TIMM23B: variants seen among roughly 807,000 people sequenced by gnomAD.
TIMM23B encodes mitochondrial import inner membrane translocase subunit Tim23B.
Under a neutral mutation model 27.3 loss-of-function variants are expected in TIMM23B, and 27 were observed. The observed-to-expected ratio is 0.99, with a 90% CI of 0.73 to 1.36. The LOEUF (loss-of-function observed/expected upper bound fraction) is 1.36. Among genes scored for constraint, TIMM23B ranks in the 40% most tolerant of loss-of-function variants. TIMM23B has a pLI of 0.00. For missense variants in TIMM23B, 205 were observed against 244.2 expected, an observed-to-expected ratio of 0.84 and a Z score of 1.07; for synonymous variants, 73 against 92.4, an observed-to-expected ratio of 0.79 and a Z score of 1.21.
At chr10:49,951,177 A>G (rs1839516707) in intron 2 of TIMM23B, among the ~76,000 whole-genome samples, 1 of 152,216 alleles carries the variant, frequency 6.6e-6, no homozygotes, top group African/African-American at 2.4e-5. Flanking sequence ...CCAGAAAGAA[A>G]AAACCAAGGC....
At chr10:49,972,021 C>T (rs1286233843) in intron 6 of TIMM23B, among the ~76,000 whole-genome samples, 1 of 152,242 alleles carries the variant, frequency 6.6e-6, no homozygotes, top group African/African-American at 2.4e-5. Flanking sequence ...TTCTAAGTTG[C>T]CTTTAAGCTG....
At chr10:49,948,338 C>T (rs1274330964) in intron 2 of TIMM23B, among the ~76,000 whole-genome samples, 1 of 151,966 alleles carries the variant, frequency 6.6e-6, no homozygotes, top group African/African-American at 2.4e-5. Context: ...AATAGAGTTA[C>T]CTTATGACTG....
chr10:49,972,949 A>G (rs1840516324), intron 6 of TIMM23B, 63 bp from the exon 7 acceptor site: 3 of 831,340 alleles, frequency 3.6e-6, no homozygotes, highest in South Asian at 3.0e-5. Context: ...GCTTTACTTG[A>G]TATCAATCTC....
intron 6 of TIMM23B, chr10:49,970,294 G>A (rs1396061318): frequency 6.5e-6 from 1 of 152,940 alleles, no homozygotes; most frequent in Non-Finnish European, 1.4e-5. Context: ...GGGCTGCCCA[G>A]TCTGGGAAGT....
intron 5 of TIMM23B, 73 bp downstream of exon 5, chr10:49,955,133 A>G: frequency 6.8e-7 from 1 of 1,475,156 alleles, no homozygotes; most frequent in South Asian, 1.1e-5. Context: ...GAACAATTTG[A>G]TCAACCCATA....
chr10:49,952,325 A>C lies in TIMM23B; in HGVS notation c.259+106A>C, dbSNP rs2133064070. 11 of 1,459,162 alleles carry C rather than the reference A, an allele frequency of 7.5e-6. No homozygotes were observed. In the East Asian group the frequency reaches 2.6e-4, roughly 34 times the overall value. 90.4% of individuals were successfully genotyped at this position (1,459,162 alleles called of 1,614,324 possible). ...TGGTTTCAGGGTTTTTTTTTTTAATATTTACATTTGTCTTTTTCTATTAAA... is the reference window on the plus strand; with the variant it reads ...TGGTTTCAGGGTTTTTTTTTTTAATCTTTACATTTGTCTTTTTCTATTAAA... On this transcript the variant is annotated intron_variant, in intron 3 of 6. Transcript: ENST00000651259.
At chr10:49,956,130 T>C (rs1175312046) in intron 5 of TIMM23B, among the ~76,000 whole-genome samples, 1 of 150,686 alleles carries the variant, frequency 6.6e-6, no homozygotes, top group East Asian at 2.0e-4. Flanking sequence ...ATGTTCTGCT[T>C]GTGATCAGTT....
rs545148339 is a variant in TIMM23B at position 49,970,757 on chromosome 10, C to T, written c.515-2255C>T. On this transcript the variant is annotated intron_variant, in intron 6 of 6. Transcript: ENST00000651259. ...GCCGCCCCGTCTGGGAGGTGGGGGG[C>T]GCCTCTGCCCGGCCACCCCTTCTGG... is the stretch of plus-strand genomic sequence containing the variant. Among the ~76,000 whole-genome samples, 530 of 151,966 alleles carry T rather than the reference C, an allele frequency of 3.5e-3. 5 individuals carry two copies. The highest frequency in any genetic ancestry group is 0.012 in the African/African-American group (502 of 41,456).
chr10:49,958,102 CAGAG>C (rs1485334940), intron 5 of TIMM23B, among the ~76,000 whole-genome samples: 3 of 152,134 alleles, frequency 2.0e-5, no homozygotes, highest in African/African-American at 7.2e-5. Context: ...GAGAAGGTCA[CAGAG>C]AGAGATTCTG....
chr10:49,958,476 T>A lies in TIMM23B; in HGVS notation c.510T>A (p.Cys170Ter). Residue 170 changes from cysteine to a stop codon, truncating the protein, a stop_gained, in exon 6 of 7, where the codon TGT becomes TGA. Coordinates refer to ENST00000651259, the MANE Select transcript of TIMM23B (RefSeq NM_001290117.2). LOFTEE classifies it high-confidence loss of function. ...CCATGACAGGCATGTTGTATAAATG[T>A]ACAGGTGAGTACTGTTGAATGGGGA... The part of the protein sequence containing the change: ...AGTMTGMLYK[C>*]TVSEMALDSP... 6.2e-7 allele frequency: 1 copy of A among 1,610,406 alleles called. No individual in the cohort carries two copies. The highest frequency in any genetic ancestry group is 1.1e-5 in the South Asian group (1 of 90,926).
intron 6 of TIMM23B, among the ~76,000 whole-genome samples, chr10:49,963,865 TGA>T (rs1231130887): frequency 3.3e-5 from 5 of 152,110 alleles, no homozygotes; most frequent in Non-Finnish European, 7.4e-5. Flanking sequence ...CTTGGGAGGC[TGA>T]GAGAGGAGAA....
At chr10:49,952,952 C>T (rs1839587270) in intron 4 of TIMM23B, among the ~76,000 whole-genome samples, 1 of 152,198 alleles carries the variant, frequency 6.6e-6, no homozygotes, top group African/African-American at 2.4e-5. Context: ...ACTTGAACTT[C>T]TTACTGTCTT....
At chr10:49,953,534 C>T (rs1295083594) in intron 4 of TIMM23B, among the ~76,000 whole-genome samples, 6 of 152,090 alleles carry the variant, frequency 3.9e-5, no homozygotes, top group South Asian at 4.2e-4. Context: ...TTTGTAGAGA[C>T]GGGGTCTCAC....
chr10:49,959,938 G>A lies in TIMM23B; in HGVS notation c.514+1458G>A, dbSNP rs1425942567. 4.6e-5 allele frequency among the ~76,000 whole-genome samples: 7 copies of A among 151,040 alleles called. No homozygotes were observed. The East Asian group carries it at 7.8e-4, about 17-fold the overall frequency. ...TAATTCTTGTATTTTTAGTAGAGAC[G>A]GGGTTTCACCATATTGGTCAGGCTG... is the stretch of plus-strand genomic sequence containing the variant. On this transcript the variant is annotated intron_variant, in intron 6 of 6. Coordinates refer to ENST00000651259, the MANE Select transcript of TIMM23B (RefSeq NM_001290117.2).
chr10:49,959,479 C>T (rs79320016), intron 6 of TIMM23B, among the ~76,000 whole-genome samples: 1 of 152,162 alleles, frequency 6.6e-6, no homozygotes, highest in East Asian at 1.9e-4. Flanking sequence ...AAGCATACAT[C>T]CAAGTAATGC....
chr10:49,950,212 T>C (rs1306582158), intron 2 of TIMM23B, among the ~76,000 whole-genome samples: 3 of 150,884 alleles, frequency 2.0e-5, no homozygotes, highest in African/African-American at 7.3e-5. Flanking sequence ...TTTTTTTTTT[T>C]TTTTTTTCCC....
intron 6 of TIMM23B, among the ~76,000 whole-genome samples, chr10:49,969,814 C>T (rs1840341446): frequency 1.3e-5 from 2 of 151,944 alleles, no homozygotes; most frequent in African/African-American, 4.8e-5. Context: ...CTCTCCCTCT[C>T]TTTCCATGGT....
chr10:49,943,733 G>GT (rs1839249728), intron 1 of TIMM23B, among the ~76,000 whole-genome samples: 1 of 132,018 alleles, frequency 7.6e-6, no homozygotes, highest in African/African-American at 2.8e-5. Context: ...AGTGGTTTTT[G>GT]TGGGTTTTTT....
chr10:49,956,551 A>G (rs1163673356), intron 5 of TIMM23B, among the ~76,000 whole-genome samples: 2 of 145,550 alleles, frequency 1.4e-5, no homozygotes, highest in Non-Finnish European at 3.1e-5. Flanking sequence ...GAGACTTCCT[A>G]GCGGTACTTT....
Sources: gnomAD v4.1 joint callset for allele counts (sites outside exome capture counted in the v4.1 genomes callset) on GRCh38, gnomAD v4.1.1 for gene constraint, MANE v1.5 for transcripts, NCBI Gene and HGNC (gene_info 2026-07-23, HGNC 2026-07-21) for gene names.